KIAA1217: variants seen among roughly 807,000 people sequenced by gnomAD.
The protein encoded by KIAA1217 is KIAA1217.
In KIAA1217, 88 loss-of-function variants were observed where a neutral mutation model predicts 163.9. That is an observed-to-expected ratio of 0.54 (90% CI 0.45 to 0.64). The LOEUF is 0.64. KIAA1217 is among the 30% of genes least tolerant of loss of function. The probability of loss-of-function intolerance (pLI) is 0.00; values close to 1 mark genes in which losing one functional copy is unlikely to be tolerated. For synonymous variants in KIAA1217, 903 were observed against 923.1 expected (o/e 0.98, Z 0.39); for missense variants, 2,372 against 2,475.0 (o/e 0.96, Z 0.88).
At chr10:24,521,579 A>G (rs2071287471) in intron 11 of KIAA1217, among the ~76,000 whole-genome samples, 1 of 152,208 alleles carries the variant, frequency 6.6e-6, no homozygotes, top group Non-Finnish European at 1.5e-5. Context: ...CAGACAGGAA[A>G]CAGGCCTAGA....
At chr10:24,364,469 G>T (rs1383853394) in intron 2 of KIAA1217, among the ~76,000 whole-genome samples, 1 of 152,124 alleles carries the variant, frequency 6.6e-6, no homozygotes, top group African/African-American at 2.4e-5. Context: ...AGCGAAAAAA[G>T]GTTCTCAGTG....
At chr10:24,229,161 A>G (rs1590069405) in intron 2 of KIAA1217, among the ~76,000 whole-genome samples, 1 of 152,218 alleles carries the variant, frequency 6.6e-6, no homozygotes, top group Admixed American at 6.5e-5. Flanking sequence ...TTATGAAGGT[A>G]CCTTCCAGTG....
At chr10:24,123,725 A>G (rs1317396577) in intron 2 of KIAA1217, among the ~76,000 whole-genome samples, 1 of 152,148 alleles carries the variant, frequency 6.6e-6, no homozygotes, top group Non-Finnish European at 1.5e-5. Context: ...TATTTGTGTA[A>G]AGCTCCCCAG....
intron 2 of KIAA1217, among the ~76,000 whole-genome samples, chr10:24,009,125 A>G (rs1393167299): frequency 6.6e-6 from 1 of 152,198 alleles, no homozygotes; most frequent in African/African-American, 2.4e-5. Context: ...AAGAACTTGC[A>G]ACCACTTTAA....
At chr10:23,803,442 C>T (rs992840445) in intron 1 of KIAA1217, among the ~76,000 whole-genome samples, 2 of 152,220 alleles carry the variant, frequency 1.3e-5, no homozygotes, top group African/African-American at 2.4e-5. Context: ...CCCCATGCCT[C>T]AATCTGGGAC....
chr10:23,713,247 G>A (rs1340929767), intron 1 of KIAA1217, among the ~76,000 whole-genome samples: 11 of 152,066 alleles, frequency 7.2e-5, no homozygotes. Flanking sequence ...TGGTAACACT[G>A]TTTTTGCTTG....
rs114807907 is a variant in KIAA1217 at position 24,035,573 on chromosome 10, G to A, written c.-171+28199G>A. On this transcript the variant is annotated intron_variant, in intron 2 of 18. Coordinates refer to the KIAA1217 transcript ENST00000376462. The stretch of plus-strand genomic sequence containing the variant: ...TTCTGAGGCAGAGTGTAGCTTCAGG[G>A]CCGATTAGTATCACCAGCTCATGAT... Among the ~76,000 whole-genome samples, 534 of 152,280 alleles carry A rather than the reference G, an allele frequency of 3.5e-3. 6 individuals are homozygous for A. The highest frequency in any genetic ancestry group is 0.012 in the African/African-American group (506 of 41,544).
At chr10:24,330,926 T>A (rs2045587779) in intron 2 of KIAA1217, among the ~76,000 whole-genome samples, 1 of 151,948 alleles carries the variant, frequency 6.6e-6, no homozygotes. Context: ...GACATTTTAT[T>A]TTTATCTTAT....
At chr10:23,755,156 C>G (rs1833858941) in intron 1 of KIAA1217, among the ~76,000 whole-genome samples, 1 of 152,170 alleles carries the variant, frequency 6.6e-6, no homozygotes, top group East Asian at 1.9e-4. Context: ...CCAGCTGTGG[C>G]CCAGATTCTT....
At chr10:24,228,406 A>G (rs1176505514) in intron 2 of KIAA1217, among the ~76,000 whole-genome samples, 2 of 151,112 alleles carry the variant, frequency 1.3e-5, no homozygotes, top group Non-Finnish European at 3.0e-5. Flanking sequence ...TTTTGCACCA[A>G]CCTAATAGGT....
intron 2 of KIAA1217, among the ~76,000 whole-genome samples, chr10:24,027,773 G>C (rs1221715734): frequency 1.3e-5 from 2 of 151,992 alleles, no homozygotes; most frequent in Admixed American, 6.6e-5. Context: ...TATAACATTT[G>C]TGTATAAGAA....
At chr10:23,791,528 C>T (rs147982821) in intron 1 of KIAA1217, among the ~76,000 whole-genome samples, 46 of 152,224 alleles carry the variant, frequency 3.0e-4, no homozygotes, top group African/African-American at 1.0e-3. Flanking sequence ...AATTAAATTC[C>T]TTAACATCAT....
intron 2 of KIAA1217, among the ~76,000 whole-genome samples, chr10:24,305,278 G>A (rs2041882132): frequency 1.3e-5 from 2 of 152,156 alleles, no homozygotes; most frequent in South Asian, 2.1e-4. Flanking sequence ...TAAGGAAGAT[G>A]ACTTTATTTG....
At chr10:24,176,869 C>T (rs2065917125) in intron 2 of KIAA1217, among the ~76,000 whole-genome samples, 1 of 151,732 alleles carries the variant, frequency 6.6e-6, no homozygotes, top group Non-Finnish European at 1.5e-5. Flanking sequence ...AGCCCTGCCC[C>T]ACGGGGAGGC....
At chr10:24,132,569 T>TA in intron 2 of KIAA1217, among the ~76,000 whole-genome samples, 1 of 152,276 alleles carries the variant, frequency 6.6e-6, no homozygotes, top group East Asian at 1.9e-4. Context: ...AACTGTTTTC[T>TA]AGCTGTGCAC....
At chr10:23,997,032 T>C (rs938150838) in intron 1 of KIAA1217, among the ~76,000 whole-genome samples, 1 of 152,210 alleles carries the variant, frequency 6.6e-6, no homozygotes, top group African/African-American at 2.4e-5. Context: ...GACTTGAGAA[T>C]TGAAAAACAG....
chr10:24,154,161 T>G (rs1432221211), intron 2 of KIAA1217, among the ~76,000 whole-genome samples: 1 of 151,482 alleles, frequency 6.6e-6, no homozygotes, highest in African/African-American at 2.4e-5. Context: ...GTTTCACCGT[T>G]TTAGCCGGGA....
chr10:24,416,797 T>G (rs1196320348), intron 3 of KIAA1217, among the ~76,000 whole-genome samples: 1 of 151,840 alleles, frequency 6.6e-6, no homozygotes, highest in Admixed American at 6.6e-5. Context: ...CACACGTGAG[T>G]GATTTTCCTC....
chr10:24,129,397 T>C (rs1037673698), intron 2 of KIAA1217, among the ~76,000 whole-genome samples: 1 of 152,178 alleles, frequency 6.6e-6, no homozygotes, highest in Non-Finnish European at 1.5e-5. Flanking sequence ...AGCATTAATG[T>C]TTGAAAGGAC....
Sources: gnomAD v4.1 joint callset for allele counts (sites outside exome capture counted in the v4.1 genomes callset) on GRCh38, gnomAD v4.1.1 for gene constraint, MANE v1.5 for transcripts, NCBI Gene and HGNC (gene_info 2026-07-23, HGNC 2026-07-21) for gene names.